The following CNTN6 variants were observed in gnomAD, a reference collection of about 807,000 sequenced individuals.
CNTN6 encodes the protein contactin-6.
In CNTN6, 137 loss-of-function variants were observed where a neutral mutation model predicts 122.8. That is an observed-to-expected ratio of 1.12 (90% confidence interval 0.97 to 1.29). The LOEUF is 1.29. CNTN6 is among the 50% of genes most tolerant of loss of function. The pLI, the probability that CNTN6 is intolerant of heterozygous loss-of-function variation, is 0.00. For missense variants in CNTN6, 1,634 were observed against 1,223.4 expected, an observed-to-expected ratio of 1.34 and a Z score of -5.01; for synonymous variants, 570 against 426.0, an observed-to-expected ratio of 1.34 and a Z score of -4.16.
chr3:1,105,880 G>A (rs1302064008), intron 1 of CNTN6, among the ~76,000 whole-genome samples: 1 of 152,152 alleles, frequency 6.6e-6, no homozygotes, highest in South Asian at 2.1e-4. Context: ...CTCATTCCAA[G>A]TATGCTATTA....
intron 2 of CNTN6, among the ~76,000 whole-genome samples, chr3:1,201,099 T>TGTGTGTGTG (rs2093862065): frequency 8.2e-4 from 107 of 130,088 alleles, no homozygotes; most frequent in African/African-American, 2.9e-3. Context: ...AGCTAACATT[T>TGTGTGTGTG]TGTGTGTGTG....
intron 2 of CNTN6, among the ~76,000 whole-genome samples, chr3:1,154,877 CT>C (rs1188350978): frequency 1.3e-5 from 2 of 152,228 alleles, no homozygotes; most frequent in African/African-American, 4.8e-5. Context: ...TTTTACTTAA[CT>C]TCCCTTTGCT....
chr3:1,223,808 A>G (rs1359238783), intron 3 of CNTN6, among the ~76,000 whole-genome samples: 2 of 152,192 alleles, frequency 1.3e-5, no homozygotes, highest in Admixed American at 6.5e-5. Context: ...TTAAGTCTAG[A>G]GAAGCTCTAG....
chr3:1,388,334 G>T (rs917353150), intron 20 of CNTN6, among the ~76,000 whole-genome samples: 9 of 145,988 alleles, frequency 6.2e-5, no homozygotes, highest in African/African-American at 2.2e-4. Flanking sequence ...TATGCCAACA[G>T]ACCTGAAGCT....
At chr3:1,170,883 A>ATATT (rs940548106) in intron 2 of CNTN6, among the ~76,000 whole-genome samples, 23 of 152,282 alleles carry the variant, frequency 1.5e-4, no homozygotes, top group African/African-American at 5.5e-4. Flanking sequence ...CTTTACCTTT[A>ATATT]TATTAGCCAC....
chr3:1,312,642 C>G (rs1699542839), intron 7 of CNTN6, among the ~76,000 whole-genome samples: 2 of 147,476 alleles, frequency 1.4e-5, no homozygotes, highest in African/African-American at 5.0e-5. Flanking sequence ...CATCTATTGA[C>G]TGGTTGCAAG....
chr3:1,238,118 A>C (rs2094443161), intron 4 of CNTN6, among the ~76,000 whole-genome samples: 1 of 152,208 alleles, frequency 6.6e-6, no homozygotes, highest in African/African-American at 2.4e-5. Context: ...GAATGGCCTA[A>C]ATGCTTCACT....
chr3:1,180,663 G>A (rs1279181170), intron 2 of CNTN6, among the ~76,000 whole-genome samples: 2 of 152,188 alleles, frequency 1.3e-5, no homozygotes, highest in Non-Finnish European at 2.9e-5. Flanking sequence ...TTAAATGCAA[G>A]CTTATTCATT....
rs1276436982 is a variant in CNTN6 at position 1,116,467 on chromosome 3, A to C, written c.-83+23347A>C. Among the ~76,000 whole-genome samples, 3 of 152,188 alleles carry C rather than the reference A, an allele frequency of 2.0e-5. No individual in the cohort carries two copies. In the East Asian group the frequency reaches 5.8e-4, roughly 29 times the overall value. On this transcript the variant is annotated intron_variant, in intron 1 of 22. Coordinates refer to ENST00000446702, the MANE Select transcript of CNTN6 (RefSeq NM_001289080.2). ...ACTTACAAATAAATTATTAACTCTTAAATAAAAAAGCAAAAGTTGTTTACA... is the reference window on the plus strand; with the variant it reads ...ACTTACAAATAAATTATTAACTCTTCAATAAAAAAGCAAAAGTTGTTTACA...
chr3:1,398,838 T>G (rs912055273), intron 20 of CNTN6, among the ~76,000 whole-genome samples: 1 of 152,112 alleles, frequency 6.6e-6, no homozygotes, highest in African/African-American at 2.4e-5. Context: ...CTAAATAATC[T>G]GTATAATTGG....
At chr3:1,392,940 C>G (rs1322995644) in intron 20 of CNTN6, among the ~76,000 whole-genome samples, 1 of 111,190 alleles carries the variant, frequency 9.0e-6, no homozygotes, top group Non-Finnish European at 1.9e-5. Context: ...GAAATAGGAA[C>G]ACTTTTACAC....
chr3:1,300,870 C>G (rs1306742181), intron 7 of CNTN6, among the ~76,000 whole-genome samples: 1 of 151,692 alleles, frequency 6.6e-6, no homozygotes, highest in African/African-American at 2.4e-5. Flanking sequence ...AAGATCTAAT[C>G]AGGAAAAATG....
chr3:1,304,563 G>GA (rs1305077787), intron 7 of CNTN6, among the ~76,000 whole-genome samples: 7 of 152,130 alleles, frequency 4.6e-5, no homozygotes, highest in East Asian at 3.9e-4. Flanking sequence ...TATTTTACAA[G>GA]AAAAAGGCTT....
At chr3:1,150,747 T>G (rs1356968600) in intron 2 of CNTN6, among the ~76,000 whole-genome samples, 1 of 152,170 alleles carries the variant, frequency 6.6e-6, no homozygotes, top group Non-Finnish European at 1.5e-5. Flanking sequence ...ACCTGGAACC[T>G]GTGAGTGCTA....
chr3:1,125,599 A>G (rs938335001), intron 1 of CNTN6, among the ~76,000 whole-genome samples: 10 of 151,828 alleles, frequency 6.6e-5, no homozygotes, highest in African/African-American at 2.4e-4. Context: ...GTAAAATGAT[A>G]GAAGAACTAG....
chr3:1,314,987 C>T (rs1384880245), intron 7 of CNTN6, among the ~76,000 whole-genome samples: 1 of 151,832 alleles, frequency 6.6e-6, no homozygotes, highest in Non-Finnish European at 1.5e-5. Context: ...TTGAGATTTG[C>T]ATCCAAGCTC....
chr3:1,101,325 C>T (rs997345445), intron 1 of CNTN6, among the ~76,000 whole-genome samples: 1 of 152,154 alleles, frequency 6.6e-6, no homozygotes, highest in African/African-American at 2.4e-5. Flanking sequence ...AGTTTCTCTC[C>T]ATTTGGTGCC....
chr3:1,191,432 G>C (rs1309739678), intron 2 of CNTN6, among the ~76,000 whole-genome samples: 1 of 152,122 alleles, frequency 6.6e-6, no homozygotes. Flanking sequence ...TAGCCTATGA[G>C]GTTTGGAAAG....
chr3:1,392,140 A>G (rs1694248191), intron 20 of CNTN6, among the ~76,000 whole-genome samples: 1 of 152,230 alleles, frequency 6.6e-6, no homozygotes, highest in African/African-American at 2.4e-5. Context: ...GCATCACACT[A>G]CCTGACTTCA....
Sources: gnomAD v4.1 joint callset for allele counts (sites outside exome capture counted in the v4.1 genomes callset) on GRCh38, gnomAD v4.1.1 for gene constraint, MANE v1.5 for transcripts, NCBI Gene and HGNC (gene_info 2026-07-23, HGNC 2026-07-21) for gene names.